KYNU: variants seen among roughly 807,000 people sequenced by gnomAD.
The protein encoded by KYNU is kynureninase.
Under a neutral mutation model 59.2 loss-of-function variants are expected in KYNU, and 54 were observed. The ratio of observed to expected loss-of-function variants is 0.91; its 90% CI spans 0.73 to 1.14. The LOEUF (loss-of-function observed/expected upper bound fraction) is 1.14. Among genes scored for constraint, KYNU ranks in the 50% most tolerant of loss-of-function variants. The probability of loss-of-function intolerance (pLI) is 0.00; values close to 1 mark genes in which losing one functional copy is unlikely to be tolerated. For synonymous variants in KYNU, 177 were observed against 192.0 expected (o/e 0.92, Z 0.65); for missense variants, 567 against 554.4 (o/e 1.02, Z -0.23).
chr2:143,007,771 C>G (rs1302816188), intron 10 of KYNU, among the ~76,000 whole-genome samples: 2,531 of 100,672 alleles, frequency 0.025, 134 homozygotes, highest in African/African-American at 0.07. Context: ...TTAAAGAAAA[C>G]AATTTTCAAC....
chr2:142,958,320 G>C (rs1684234595), intron 7 of KYNU, among the ~76,000 whole-genome samples: 1 of 152,108 alleles, frequency 6.6e-6, no homozygotes, highest in African/African-American at 2.4e-5. Flanking sequence ...GATAACAAAA[G>C]CATGTGTCTA....
chr2:142,990,291 A>T (rs1467288076), intron 10 of KYNU, among the ~76,000 whole-genome samples: 3 of 151,910 alleles, frequency 2.0e-5, no homozygotes, highest in African/African-American at 7.2e-5. Flanking sequence ...AATTGTACAA[A>T]TTTGACAATA....
intron 1 of KYNU, among the ~76,000 whole-genome samples, chr2:142,883,186 CTTTTTTTTTTTTTTTT>C (rs70997528): frequency 1.4e-5 from 1 of 72,038 alleles, no homozygotes; most frequent in Admixed American, 2.0e-4. Flanking sequence ...TCCCAAATTT[CTTTTTTTTTTTTTTTT>C]TTTTTTTTTT....
At chr2:142,995,025 G>A (rs73964617) in intron 10 of KYNU, among the ~76,000 whole-genome samples, 3,141 of 152,074 alleles carry the variant, frequency 0.021, 124 homozygotes, top group African/African-American at 0.071. Context: ...AATTCAAGTC[G>A]TTCTTTCTAA....
At chr2:142,931,227 A>G (rs935657054) in intron 4 of KYNU, among the ~76,000 whole-genome samples, 1 of 152,198 alleles carries the variant, frequency 6.6e-6, no homozygotes, top group Non-Finnish European at 1.5e-5. Context: ...TTCAGGCCTC[A>G]GGGAGAATCG....
At chr2:143,029,005 C>T (rs1323726776) in intron 10 of KYNU, among the ~76,000 whole-genome samples, 2 of 151,884 alleles carry the variant, frequency 1.3e-5, no homozygotes, top group Non-Finnish European at 2.9e-5. Context: ...ATTGTTTGAC[C>T]TTTTTGAGCT....
At chr2:143,029,457 A>T (rs1645588414) in intron 10 of KYNU, among the ~76,000 whole-genome samples, 170 bp from the exon 11 acceptor site, 1 of 152,116 alleles carries the variant, frequency 6.6e-6, no homozygotes, top group African/African-American at 2.4e-5. Flanking sequence ...ATGGTGGTGC[A>T]TGCTTGTAGT....
Position 142,957,677 on chromosome 2 carries a change from A to G in KYNU, c.544A>G (p.Asn182Asp). The change falls in exon 7 of 14, where the codon AAC becomes GAC. Residue 182 changes from asparagine (N) to aspartate (D), a missense_variant. Physicochemically the swap from Asn to Asp is conservative, Grantham distance 23. Coordinates refer to ENST00000264170, the MANE Select transcript of KYNU (RefSeq NM_003937.3). ...GTCACAACTACAACTTCACGGACTT[A>G]ACATTGAAGAAAGTATGCGGATGAT... ...IESQLQLHGL[N>D]IEESMRMIKP... 6.2e-7 allele frequency: 1 copy of G among 1,606,272 alleles called. No individual in the cohort carries two copies. The highest frequency in any genetic ancestry group is 8.5e-7 in the Non-Finnish European group (1 of 1,173,218).
At chr2:143,030,879 C>T (rs184893758) in intron 11 of KYNU, among the ~76,000 whole-genome samples, 6 of 152,258 alleles carry the variant, frequency 3.9e-5, no homozygotes, top group African/African-American at 1.4e-4. Context: ...ATTCAAAACA[C>T]TTACATAGCC....
At position 143,049,299 on chromosome 2, in the gene KYNU, C is replaced by T. The variant is rs1222749641; in HGVS notation, c.*7127C>T. On this transcript the variant is annotated 3_prime_UTR_variant, in exon 14 of 14. Coordinates refer to ENST00000264170, the MANE Select transcript of KYNU (RefSeq NM_003937.3). ...CATTTGTGATCTTTCGAATGTGCTT[C>T]TGCTTTAGGCATTAGTAGTGGACAT... 6.6e-6 allele frequency: 1 copy of T among 152,110 alleles called. No individual in the cohort carries two copies. Among genetic ancestry groups the T allele is most frequent in the African/African-American group, 2.4e-5 (1 of 41,436 alleles). 9.4% of individuals were successfully genotyped at this position (152,110 alleles called of 1,614,324 possible).
At chr2:143,002,565 C>G (rs1022326152) in intron 10 of KYNU, among the ~76,000 whole-genome samples, 5 of 152,122 alleles carry the variant, frequency 3.3e-5, no homozygotes, top group Non-Finnish European at 5.9e-5. Context: ...TAATATCACT[C>G]CACACACAGA....
At chr2:142,963,413 A>C (rs1023019325) in intron 8 of KYNU, among the ~76,000 whole-genome samples, 2 of 152,172 alleles carry the variant, frequency 1.3e-5, no homozygotes, top group Non-Finnish European at 2.9e-5. Context: ...GAGGCTGGGA[A>C]GTGCAAGATC....
intron 2 of KYNU, among the ~76,000 whole-genome samples, chr2:142,906,322 G>T (rs1309779984): frequency 6.6e-6 from 1 of 152,226 alleles, no homozygotes; most frequent in Admixed American, 6.5e-5. Flanking sequence ...AAGGCTTGAA[G>T]ATTGTATTGA....
intron 4 of KYNU, 77 bp from the exon 5 acceptor site, chr2:142,954,728 TGAGTG>T (rs1684107587): frequency 1.1e-6 from 1 of 872,976 alleles, no homozygotes; most frequent in South Asian, 1.3e-5. Context: ...TAAGAATGAT[TGAGTG>T]AAGTCTTCCT....
In KYNU at chr2:143,040,638, C is replaced by A. The variant is rs1277793192; in HGVS notation, c.1252C>A (p.Leu418Ile). The change falls in exon 13 of 14, where the codon CTA becomes ATA. Residue 418 changes from leucine (L) to isoleucine (I), a missense_variant. Physicochemically the swap from Leu to Ile is conservative, Grantham distance 5. Transcript: ENST00000264170. ...SVPNKDVFQE[L>I]EKRGVVCDKR... ...TCCAAACAAAGATGTTTTCCAAGAACTAGAAAAAAGAGGAGTGGTTGTAAG... is the reference window on the plus strand; with the variant it reads ...TCCAAACAAAGATGTTTTCCAAGAAATAGAAAAAAGAGGAGTGGTTGTAAG... 6 of 1,602,758 alleles carry A rather than the reference C, an allele frequency of 3.7e-6. No homozygotes were observed. In the Admixed American group the frequency reaches 6.9e-5, roughly 18 times the overall value.
chr2:142,971,047 G>A (rs568476060), intron 8 of KYNU: 1 of 152,102 alleles, frequency 6.6e-6, no homozygotes, highest in South Asian at 2.1e-4. Flanking sequence ...CAAACATGGT[G>A]TATTTTTAAA....
At chr2:142,881,446 G>C (rs1374933277) in intron 1 of KYNU, 2 of 152,170 alleles carry the variant, frequency 1.3e-5, no homozygotes, top group Admixed American at 6.5e-5. Context: ...AAGAATGTCT[G>C]TTTTACTGGC....
chr2:142,938,187 G>A, intron 4 of KYNU, among the ~76,000 whole-genome samples: 1 of 152,160 alleles, frequency 6.6e-6, no homozygotes, highest in East Asian at 1.9e-4. Context: ...TATCATAAGT[G>A]ACTGCTTTTT....
At chr2:142,980,496 A>T (rs1401680201) in intron 8 of KYNU, among the ~76,000 whole-genome samples, 2 of 152,096 alleles carry the variant, frequency 1.3e-5, no homozygotes, top group Non-Finnish European at 2.9e-5. Flanking sequence ...TCTGATTCAA[A>T]CACCTCTGAT....
Sources: gnomAD v4.1 joint callset for allele counts (sites outside exome capture counted in the v4.1 genomes callset) on GRCh38, gnomAD v4.1.1 for gene constraint, MANE v1.5 for transcripts, NCBI Gene and HGNC (gene_info 2026-07-23, HGNC 2026-07-21) for gene names.